The following CNTNAP5 variants were observed in gnomAD, a reference collection of about 807,000 sequenced individuals.
The protein encoded by CNTNAP5 is contactin associated protein family member 5.
CNTNAP5 carries 72 observed loss-of-function variants against 150.2 expected under a neutral mutation model. That is an observed-to-expected ratio of 0.48 (90% CI 0.40 to 0.58). The LOEUF is 0.58. CNTNAP5 is among the 20% of genes least tolerant of loss of function. The pLI, the probability that CNTNAP5 is intolerant of heterozygous loss-of-function variation, is 0.00. For synonymous variants in CNTNAP5, 672 were observed against 619.8 expected (o/e 1.08, Z -1.25); for missense variants, 1,636 against 1,626.2 (o/e 1.01, Z -0.10).
intron 3 of CNTNAP5, among the ~76,000 whole-genome samples, chr2:124,360,584 A>G (rs1194309917): frequency 1.5e-5 from 2 of 137,406 alleles, no homozygotes; most frequent in African/African-American, 5.4e-5. Flanking sequence ...GTTTGGCTGG[A>G]TATGAAATTC....
chr2:124,589,335 G>A (rs1049765129), intron 11 of CNTNAP5, among the ~76,000 whole-genome samples: 3 of 152,074 alleles, frequency 2.0e-5, no homozygotes, highest in Admixed American at 6.6e-5. Flanking sequence ...ACGTTTTCAC[G>A]ATTTATCTGT....
At chr2:124,164,632 G>T (rs1299558061) in intron 1 of CNTNAP5, among the ~76,000 whole-genome samples, 1 of 152,148 alleles carries the variant, frequency 6.6e-6, no homozygotes, top group African/African-American at 2.4e-5. Flanking sequence ...TGGACAATCT[G>T]CTAGAACACT....
chr2:124,248,754 A>T (rs2104776709), intron 3 of CNTNAP5, among the ~76,000 whole-genome samples: 1 of 152,310 alleles, frequency 6.6e-6, no homozygotes, highest in Middle Eastern at 3.4e-3. Context: ...ACACATCACA[A>T]GGACAGGGAG....
intron 20 of CNTNAP5, among the ~76,000 whole-genome samples, chr2:124,866,183 C>T (rs1284864900): frequency 6.6e-6 from 1 of 151,982 alleles, no homozygotes; most frequent in Non-Finnish European, 1.5e-5. Flanking sequence ...GCACTTGAAA[C>T]TGGGAGGCGG....
intron 1 of CNTNAP5, among the ~76,000 whole-genome samples, chr2:124,186,812 C>G (rs1685343717): frequency 6.6e-6 from 1 of 152,214 alleles, no homozygotes; most frequent in African/African-American, 2.4e-5. Context: ...TCAATCATTT[C>G]ACTTCTTTGC....
chr2:124,713,249 CTTTCTT>C (rs1331390488), intron 13 of CNTNAP5, among the ~76,000 whole-genome samples: 3 of 71,276 alleles, frequency 4.2e-5, no homozygotes, highest in Non-Finnish European at 9.7e-5. Context: ...CTTTCTCTTT[CTTTCTT>C]TCTTTCTTTC....
chr2:124,696,347 G>T (rs1302482477), intron 13 of CNTNAP5, among the ~76,000 whole-genome samples: 1 of 152,148 alleles, frequency 6.6e-6, no homozygotes, highest in Non-Finnish European at 1.5e-5. Flanking sequence ...AGAACTTCAA[G>T]TGCAAATTAA....
chr2:124,442,308 G>A (rs1436498819), intron 5 of CNTNAP5, among the ~76,000 whole-genome samples: 1 of 152,138 alleles, frequency 6.6e-6, no homozygotes, highest in Non-Finnish European at 1.5e-5. Flanking sequence ...AACAACAACC[G>A]ACATAACCTA....
chr2:124,541,603 C>A (rs574136070), intron 10 of CNTNAP5, among the ~76,000 whole-genome samples: 1 of 152,190 alleles, frequency 6.6e-6, no homozygotes, highest in Non-Finnish European at 1.5e-5. Context: ...AGAAGACCCA[C>A]GCACTAGGGG....
At chr2:124,788,777 T>C (rs1172002824) in intron 17 of CNTNAP5, among the ~76,000 whole-genome samples, 1 of 151,946 alleles carries the variant, frequency 6.6e-6, no homozygotes, top group African/African-American at 2.4e-5. Context: ...GAATTATAGA[T>C]GCCTACCACC....
intron 22 of CNTNAP5, 59 bp from the exon 23 acceptor site, chr2:124,911,408 A>T (rs1008894932): frequency 2.3e-6 from 3 of 1,304,240 alleles, no homozygotes; most frequent in Non-Finnish European, 3.3e-6. Flanking sequence ...GCCACACTGT[A>T]GGCTTCTTGC....
chr2:124,788,422 T>C (rs1681643972), intron 17 of CNTNAP5, among the ~76,000 whole-genome samples: 1 of 152,172 alleles, frequency 6.6e-6, no homozygotes, highest in African/African-American at 2.4e-5. Context: ...GTCTTCTAAA[T>C]CATAATGTAA....
In CNTNAP5 at chr2:124,171,920, T is replaced by C. The variant is rs1684943145; in HGVS notation, c.83-49785T>C. ...GAGGCTATCTTCATTTGTCCTTGTGTACTCAAAGGCTGGCCATAGGACCTA... is the reference window on the plus strand; with the variant it reads ...GAGGCTATCTTCATTTGTCCTTGTGCACTCAAAGGCTGGCCATAGGACCTA... On this transcript the variant is annotated intron_variant, in intron 1 of 23. Transcript: ENST00000682447. Among the ~76,000 whole-genome samples the C allele has an allele frequency of 2.0e-5, 3 of 152,324 alleles. No individual in the cohort carries two copies. The South Asian group carries it at 6.2e-4, about 32-fold the overall frequency.
intron 12 of CNTNAP5, among the ~76,000 whole-genome samples, chr2:124,645,473 C>T (rs963589398): frequency 2.0e-5 from 3 of 152,188 alleles, no homozygotes; most frequent in Admixed American, 6.5e-5. Context: ...GAGTCTGAGG[C>T]AGGAGGATCG....
intron 10 of CNTNAP5, among the ~76,000 whole-genome samples, chr2:124,530,908 C>A (rs1695089289): frequency 6.6e-6 from 1 of 152,050 alleles, no homozygotes; most frequent in Admixed American, 6.5e-5. Context: ...AGGCAAAACA[C>A]AATAGTCTAA....
chr2:124,858,736 T>A (rs1457496099), intron 19 of CNTNAP5, among the ~76,000 whole-genome samples: 1 of 151,962 alleles, frequency 6.6e-6, no homozygotes, highest in Non-Finnish European at 1.5e-5. Context: ...CTAAATCATA[T>A]CACCAGAGAA....
At chr2:124,903,808 C>T (rs548067081) in intron 22 of CNTNAP5, among the ~76,000 whole-genome samples, 1 of 152,090 alleles carries the variant, frequency 6.6e-6, no homozygotes, top group Non-Finnish European at 1.5e-5. Flanking sequence ...AATTGCCGCA[C>T]TTTGGGAGGC....
chr2:124,145,839 A>AAGAG, intron 1 of CNTNAP5, among the ~76,000 whole-genome samples: 1 of 144,446 alleles, frequency 6.9e-6, no homozygotes, highest in South Asian at 2.3e-4. Context: ...GAAGAAAAAA[A>AAGAG]AAAAAAATAA....
chr2:124,355,859 G>A (rs1190290618), intron 3 of CNTNAP5, among the ~76,000 whole-genome samples: 1 of 152,162 alleles, frequency 6.6e-6, no homozygotes, highest in Non-Finnish European at 1.5e-5. Context: ...TCTATGGTTA[G>A]AAAGACTGAC....
Sources: allele counts gnomAD v4.1 joint callset (sites outside exome capture counted in the v4.1 genomes callset), GRCh38; gene constraint gnomAD v4.1.1; transcripts MANE v1.5; gene names NCBI Gene and HGNC (gene_info 2026-07-23, HGNC 2026-07-21).